Variants in IPO7 observed in about 807,000 individuals in gnomAD.
IPO7 encodes importin-7.
A neutral mutation model predicts 136.4 loss-of-function variants in IPO7; 13 were observed. The ratio of observed to expected loss-of-function variants is 0.10; its 90% CI spans 0.06 to 0.15. IPO7 has a LOEUF of 0.15. Among genes scored for constraint, IPO7 ranks in the 10% least tolerant of loss-of-function variants. The pLI, the probability that IPO7 is intolerant of heterozygous loss-of-function variation, is 1.00. For missense variants in IPO7, 857 were observed against 1,240.6 expected (o/e 0.69, Z 4.65); for synonymous variants, 403 against 404.4 (o/e 1.00, Z 0.04).
intron 2 of IPO7, among the ~76,000 whole-genome samples, chr11:9,406,020 C>G (rs1854877766): frequency 6.7e-6 from 1 of 148,806 alleles, no homozygotes; most frequent in Non-Finnish European, 1.5e-5. Context: ...TGCCAAACAT[C>G]TGGGGCTGCA....
In IPO7 at chr11:9,399,447, C is replaced by T. The variant is rs1477375016; in HGVS notation, c.85-3843C>T. ...AAGTGCTGGGATTACAGGCGTGAGC[C>T]ACCGCGCCCGGCAGCATTTTAAAGA... On this transcript the variant is annotated intron_variant, in intron 1 of 24. Coordinates refer to ENST00000379719, the MANE Select transcript of IPO7 (RefSeq NM_006391.3). Among the ~76,000 whole-genome samples, 4 of 152,158 alleles carry T rather than the reference C, an allele frequency of 2.6e-5. 1 individual carries two copies. Among genetic ancestry groups the T allele is most frequent in the African/African-American group, 9.7e-5 (4 of 41,434 alleles).
Position 9,384,687 on chromosome 11 carries a change from G to A in IPO7, c.-77G>A, listed in dbSNP as rs188545367. 575 of 1,231,566 alleles carry A rather than the reference G, an allele frequency of 4.7e-4. 3 individuals are homozygous for A. In the African/African-American group the frequency reaches 8.0e-3, roughly 17 times the overall value. 76.3% of individuals were successfully genotyped at this position (1,231,566 alleles called of 1,614,324 possible). Reference sequence around the variant, plus strand: ...CGGTTGCCGCTGCGGAGCGCGGCGGGTCCATGTGCGCAGTGAGTGGCGCTA... The same window carrying A: ...CGGTTGCCGCTGCGGAGCGCGGCGGATCCATGTGCGCAGTGAGTGGCGCTA... On this transcript the variant is annotated 5_prime_UTR_variant, in exon 1 of 25. Coordinates refer to ENST00000379719, the MANE Select transcript of IPO7 (RefSeq NM_006391.3).
rs1210975231 is a variant in IPO7 at position 9,446,851 on chromosome 11, T to C, written c.*1657T>C. ...ACACTGAAGGAGTGAAAGTATTTCC[T>C]ATATTTATGAATTTACTACTAAAAT... On this transcript the variant is annotated 3_prime_UTR_variant, in exon 25 of 25. Coordinates refer to ENST00000379719, the MANE Select transcript of IPO7 (RefSeq NM_006391.3). 1 of 152,180 alleles carries C rather than the reference T, an allele frequency of 6.6e-6. No individual in the cohort carries two copies. 9.4% of individuals were successfully genotyped at this position (152,180 alleles called of 1,614,324 possible).
At chr11:9,395,529 G>A (rs1854695931) in intron 1 of IPO7, among the ~76,000 whole-genome samples, 1 of 151,788 alleles carries the variant, frequency 6.6e-6, no homozygotes, top group South Asian at 2.1e-4. Context: ...GTGAGCCACC[G>A]CCCCCGGCCC....
intron 1 of IPO7, among the ~76,000 whole-genome samples, chr11:9,390,915 G>A (rs1003058668): frequency 2.0e-5 from 3 of 151,802 alleles, no homozygotes; most frequent in African/African-American, 4.8e-5. Flanking sequence ...GACTGCAGGC[G>A]CCCGCCACCA....
At chr11:9,407,491 G>A (rs1041762385) in intron 2 of IPO7, among the ~76,000 whole-genome samples, 67 of 152,108 alleles carry the variant, frequency 4.4e-4, no homozygotes, top group African/African-American at 1.6e-3. Context: ...GGAGTCAGAG[G>A]TTGCAGTGAG....
rs1019876024 is a variant in IPO7 at position 9,384,707 on chromosome 11, G to T, written c.-57G>T. ...GGCGGGTCCATGTGCGCAGTGAGTG[G>T]CGCTATTCCTGGCCCAGTAGCACCC... On this transcript the variant is annotated 5_prime_UTR_variant, in exon 1 of 25. Transcript: ENST00000379719. The T allele has an allele frequency of 2.7e-5, 38 of 1,423,726 alleles. No individual in the cohort carries two copies. The highest frequency in any genetic ancestry group is 3.3e-5 in the Non-Finnish European group (34 of 1,036,392). The allele number at this position is 1,423,726 out of a possible 1,614,324, so 88.2% of individuals were successfully genotyped here.
chr11:9,428,779 A>T, intron 13 of IPO7, 150 bp downstream of exon 13: 1 of 784,798 alleles, frequency 1.3e-6, no homozygotes, highest in Non-Finnish European at 2.4e-6. Context: ...GGCTGCTGTA[A>T]TGTGTGCATA....
In IPO7 at chr11:9,437,267, T is replaced by C. The variant is rs1019073638; in HGVS notation, c.2269-487T>C. Among the ~76,000 whole-genome samples the C allele has an allele frequency of 5.9e-5, 9 of 151,488 alleles. 1 individual carries two copies. The highest frequency in any genetic ancestry group is 2.0e-4 in the Admixed American group (3 of 15,186). On this transcript the variant is annotated intron_variant, in intron 20 of 24. Coordinates refer to ENST00000379719, the MANE Select transcript of IPO7 (RefSeq NM_006391.3). The stretch of plus-strand genomic sequence containing the variant: ...TTATTTATTTTTTATTTATTTCATA[T>C]ATTTTTTTGAGACAGAGTCTCGCTC...
intron 23 of IPO7, among the ~76,000 whole-genome samples, chr11:9,441,571 A>G (rs1590455837): frequency 6.6e-6 from 1 of 152,334 alleles, no homozygotes; most frequent in South Asian, 2.1e-4. Flanking sequence ...ACAGAAGCAC[A>G]AAGTGCTGGT....
At chr11:9,436,888 T>A (rs1169198351) in intron 20 of IPO7, among the ~76,000 whole-genome samples, 5 of 92,308 alleles carry the variant, frequency 5.4e-5, no homozygotes, top group African/African-American at 2.1e-4. Flanking sequence ...TTTTTTTTTT[T>A]TTTTTTTTTT....
chr11:9,399,103 A>G (rs1854756267), intron 1 of IPO7, among the ~76,000 whole-genome samples: 1 of 152,002 alleles, frequency 6.6e-6, no homozygotes, highest in African/African-American at 2.4e-5. Flanking sequence ...CAAATAGTTA[A>G]ATTAAGAGGG....
intron 4 of IPO7, among the ~76,000 whole-genome samples, chr11:9,412,889 ATTT>A (rs1163764184): frequency 2.4e-5 from 3 of 126,340 alleles, no homozygotes; most frequent in Admixed American, 1.6e-4. Flanking sequence ...TGATTGATTG[ATTT>A]TTTTTTTTTT....
At position 9,429,909 on chromosome 11, in the gene IPO7, T is replaced by A. The variant is rs1042548726; in HGVS notation, c.1752+75T>A. Reference sequence around the variant, plus strand: ...AGTATGTTCCAGGTTGTGTCACCAGTGGCTTGCCTTACCTTATAGCAGTCA... The same window carrying A: ...AGTATGTTCCAGGTTGTGTCACCAGAGGCTTGCCTTACCTTATAGCAGTCA... On this transcript the variant is annotated intron_variant, in intron 15 of 24. Coordinates refer to ENST00000379719, the MANE Select transcript of IPO7 (RefSeq NM_006391.3). 2.7e-6 allele frequency: 3 copies of A among 1,114,374 alleles called. No homozygotes were observed. In the African/African-American group the frequency reaches 4.8e-5, roughly 18 times the overall value. The allele number at this position is 1,114,374 out of a possible 1,614,324, so 69.0% of individuals were successfully genotyped here. A position where few individuals can be genotyped will look rare whatever the true frequency, so the allele number is the denominator to read the frequency against.
At chr11:9,423,915 G>T (rs564849366) in intron 10 of IPO7, 39 bp downstream of exon 10, 69 of 1,234,218 alleles carry the variant, frequency 5.6e-5, no homozygotes, top group Non-Finnish European at 7.7e-5. Flanking sequence ...AAAAATGTCA[G>T]TAATTAAGAT....
chr11:9,426,495 G>A (rs7952127), intron 12 of IPO7, among the ~76,000 whole-genome samples: 3 of 151,960 alleles, frequency 2.0e-5, no homozygotes, highest in Admixed American at 1.3e-4. Context: ...GTGGACATAC[G>A]TTTTCATTTT....
chr11:9,408,282 G>A (rs563934867), intron 2 of IPO7, among the ~76,000 whole-genome samples: 5 of 152,178 alleles, frequency 3.3e-5, no homozygotes, highest in East Asian at 3.9e-4. Context: ...TGTGTGATTC[G>A]TAATAACTTT....
chr11:9,413,091 G>T (rs1171589911), intron 4 of IPO7, among the ~76,000 whole-genome samples: 1 of 152,000 alleles, frequency 6.6e-6, no homozygotes, highest in Non-Finnish European at 1.5e-5. Context: ...TGTTAGCCAG[G>T]ATGGTCTTGA....
chr11:9,399,265 C>T (rs976402964), intron 1 of IPO7, among the ~76,000 whole-genome samples: 12 of 151,358 alleles, frequency 7.9e-5, no homozygotes, highest in Admixed American at 5.3e-4. Flanking sequence ...CGGGTTCAAG[C>T]GATTCTCCTG....
Sources: gnomAD v4.1 joint callset for allele counts (sites outside exome capture counted in the v4.1 genomes callset) on GRCh38, gnomAD v4.1.1 for gene constraint, MANE v1.5 for transcripts, NCBI Gene and HGNC (gene_info 2026-07-23, HGNC 2026-07-21) for gene names.